SLC26A1: variants seen among roughly 807,000 people sequenced by gnomAD.
SLC26A1 encodes the protein solute carrier family 26 member 1, also known as sulfate anion transporter 1.
A neutral mutation model predicts 14.5 loss-of-function variants in SLC26A1; 18 were observed. The observed-to-expected ratio is 1.24, with a 90% CI of 0.86 to 1.84. The LOEUF (loss-of-function observed/expected upper bound fraction) is 1.84, where lower values mean the gene tolerates loss of function less well. Ranked by LOEUF, SLC26A1 falls within the 40% of genes most tolerant of loss-of-function variation. SLC26A1 has a pLI of 0.00. For synonymous variants in SLC26A1, 505 were observed against 492.0 expected (o/e 1.03, Z -0.35); for missense variants, 1,049 against 1,020.0 (o/e 1.03, Z -0.39).
chr4:981,924 A>G (rs1713555692), intron 2 of SLC26A1, among the ~76,000 whole-genome samples: 1 of 151,822 alleles, frequency 6.6e-6, no homozygotes. Context: ...GGTTCACGCC[A>G]TTCTCCTGCC....
downstream of SLC26A1, chr4:987,507 C>T (rs923396425): frequency 4.8e-6 from 4 of 830,118 alleles, no homozygotes; most frequent in Middle Eastern, 3.7e-4. Context: ...TGGGAGTGGA[C>T]GGCCCTGCAG....
chr4:990,615 C>G (rs1714213393), intron 2 of SLC26A1: 1 of 538,652 alleles, frequency 1.9e-6, no homozygotes, highest in South Asian at 2.5e-5. Context: ...ACACGTCTAA[C>G]CCTTGTCACG....
chr4:991,152 G>A lies in SLC26A1; in HGVS notation c.552C>T (p.Leu184=). 6.4e-7 allele frequency: 1 copy of A among 1,552,928 alleles called. No homozygotes were observed. The highest frequency in any genetic ancestry group is 8.7e-7 in the Non-Finnish European group (1 of 1,146,308). The change falls in exon 2 of 3, where the codon CTC becomes CTT. Residue 184 remains leucine (L), a synonymous_variant. Transcript: ENST00000398516. ...DCYAIRVATA[L]TLMTGLYQVL... is the part of the protein sequence containing the mutation. The stretch of plus-strand genomic sequence containing the variant: ...CCTGGTAAAGCCCGGTCATCAGCGT[G>A]AGGGCGGTGGCGACACGGATGGCGT...
rs761932252 is a variant in SLC26A1 at position 988,963 on chromosome 4, C to G, written c.1976G>C (p.Arg659Thr). 11 of 1,596,622 alleles carry G rather than the reference C, an allele frequency of 6.9e-6. No homozygotes were observed. Among genetic ancestry groups the G allele is most frequent in the Non-Finnish European group, 9.4e-6 (11 of 1,172,378 alleles). The stretch of plus-strand genomic sequence containing the variant: ...GGGGCCCTCCCCGAGGAAGCCTCCT[C>G]TGCTCAGAATGTCTCTCACAGGCGG... The part of the protein sequence containing the change: ...CSPPVRDILS[R>T]GGFLGEGPGD... Residue 659 changes from arginine (R) to threonine (T), a missense_variant, in exon 3 of 3, where the codon AGA becomes ACA. Arg to Thr is a moderately conservative substitution (Grantham distance 71, BLOSUM62 -1). Coordinates refer to ENST00000398516, the MANE Select transcript of SLC26A1 (RefSeq NM_022042.4).
At chr4:987,080 T>A, downstream of SLC26A1, 13 of 1,491,808 alleles carry the variant, frequency 8.7e-6, no homozygotes, top group Non-Finnish European at 1.2e-5. Flanking sequence ...CGAGCACGCG[T>A]GGCCATGCGT....
chr4:988,487 A>G lies in SLC26A1; in HGVS notation c.*346T>C. On this transcript the variant is annotated 3_prime_UTR_variant, in exon 3 of 3. Transcript: ENST00000398516. ...ATAGGGAGTCCTCTTGGCACCTTGG[A>G]GGCTGCATGATGGCGGGGGACCCTT... 8.9e-7 allele frequency: 1 copy of G among 1,124,332 alleles called. No individual in the cohort carries two copies. Among genetic ancestry groups the G allele is most frequent in the East Asian group, 5.5e-5 (1 of 18,036 alleles). 69.6% of individuals were successfully genotyped at this position (1,124,332 alleles called of 1,614,324 possible). A position where few individuals can be genotyped will look rare whatever the true frequency, so the allele number is the denominator to read the frequency against.
At position 989,233 on chromosome 4, in the gene SLC26A1, A is replaced by G. The variant is rs1470524095; in HGVS notation, c.1706T>C (p.Met569Thr). The G allele has an allele frequency of 2.5e-6, 4 of 1,612,100 alleles. No individual in the cohort carries two copies. The African/African-American group carries it at 4.0e-5, about 16-fold the overall frequency. ...YSLTGLDAGC[M>T]AARRKEGGSE... is the part of the protein sequence containing the mutation. ...GCCCCCCTCCTTCCTCCTGGCAGCC[A>G]TGCACCCTGCGTCCAGCCCCGTGAG... The change falls in exon 3 of 3, where the codon ATG becomes ACG. Residue 569 changes from methionine (M) to threonine (T), a missense_variant. Physicochemically the swap from Met to Thr is moderately conservative, Grantham distance 81 (BLOSUM62 -1). Transcript: ENST00000398516.
At chr4:982,405 C>T (rs1275481341) in intron 2 of SLC26A1, among the ~76,000 whole-genome samples, 1 of 152,230 alleles carries the variant, frequency 6.6e-6, no homozygotes, top group Non-Finnish European at 1.5e-5. Flanking sequence ...TCCCGTAAAC[C>T]CCTGGGCTGC....
Position 987,755 on chromosome 4 carries a change from G to A in SLC26A1, c.*1078C>T, listed in dbSNP as rs1378108246. The A allele has an allele frequency of 8.7e-6, 14 of 1,608,266 alleles. No homozygotes were observed. The highest frequency in any genetic ancestry group is 4.5e-5 in the East Asian group (2 of 44,728). On this transcript the variant is annotated 3_prime_UTR_variant, in exon 3 of 3. Transcript: ENST00000398516. ...CTGGGCTTGAACGTGTGTGTCAGCC[G>A]CGCTGCCAGCCATGCTGAGGCTCGG...
chr4:981,300 G>A (rs148027146), intron 2 of SLC26A1, among the ~76,000 whole-genome samples: 5 of 152,154 alleles, frequency 3.3e-5, no homozygotes, highest in African/African-American at 9.7e-5. Context: ...CATATTCCTC[G>A]TTTCCAAATT....
rs373153186 is a variant in SLC26A1, at chr4:989,049, C to T, written c.1890G>A (p.Leu630=). 26 of 1,583,322 alleles carry T rather than the reference C, an allele frequency of 1.6e-5. No homozygotes were observed. In the African/African-American group the frequency reaches 1.9e-4, roughly 12 times the overall value. The change falls in exon 3 of 3, where the codon CTG becomes CTA. Residue 630 remains leucine (L), a synonymous_variant. Coordinates refer to ENST00000398516, the MANE Select transcript of SLC26A1 (RefSeq NM_022042.4). The part of the protein sequence containing the change: ...LFLDAAGVST[L]QDLRRDYGAL... ...CCCCGTAGTCTCGGCGCAGGTCCTG[C>T]AGCGTGCTCACACCGGCTGCGTCTA...
chr4:990,554 G>C, intron 2 of SLC26A1, 192 bp from the exon 3 acceptor site: 2 of 604,580 alleles, frequency 3.3e-6, no homozygotes, highest in South Asian at 4.0e-5. Context: ...CATGCCCGCA[G>C]ACAACTGTGA....
At position 989,063 on chromosome 4, in the gene SLC26A1, C is replaced by A; in HGVS notation, c.1876G>T (p.Gly626Cys). Residue 626 changes from glycine to cysteine, a missense_variant, in exon 3 of 3, where the codon GGT (glycine) becomes TGT (cysteine). Gly to Cys is a radical substitution (Grantham distance 159, BLOSUM62 -3). Coordinates refer to ENST00000398516, the MANE Select transcript of SLC26A1 (RefSeq NM_022042.4). ...CGCAGGTCCTGCAGCGTGCTCACACCGGCTGCGTCTAGGAACAGCAGCGGG... is the reference window on the plus strand; with the variant it reads ...CGCAGGTCCTGCAGCGTGCTCACACAGGCTGCGTCTAGGAACAGCAGCGGG... ...CAPLLFLDAA[G>C]VSTLQDLRRD... 1 of 1,587,774 alleles carries A rather than the reference C, an allele frequency of 6.3e-7. No homozygotes were observed.
intron 2 of SLC26A1, among the ~76,000 whole-genome samples, chr4:981,018 C>G (rs548623200): frequency 1.3e-5 from 2 of 152,324 alleles, no homozygotes; most frequent in Admixed American, 6.5e-5. Flanking sequence ...TGAGACCCAG[C>G]AGGGTCTCAA....
chr4:989,493 C>T lies in SLC26A1; in HGVS notation c.1446G>A (p.Met482Ile). The change falls in exon 3 of 3, where the codon ATG (methionine) becomes ATA (isoleucine). Residue 482 changes from methionine to isoleucine, a missense_variant. Met to Ile is a conservative substitution (Grantham distance 10). Transcript: ENST00000398516. The part of the protein sequence containing the change: ...LVWAGTAATC[M>I]LVSTEAGLLA... ...GCAGCCCGGCCTCTGTGCTGACCAGCATACAGGTGGCCGCGGTGCCTGCCC... is the reference window on the plus strand; with the variant it reads ...GCAGCCCGGCCTCTGTGCTGACCAGTATACAGGTGGCCGCGGTGCCTGCCC... 1 of 1,554,258 alleles carries T rather than the reference C, an allele frequency of 6.4e-7. No individual in the cohort carries two copies. The highest frequency in any genetic ancestry group is 2.4e-5 in the East Asian group (1 of 41,514).
downstream of SLC26A1, chr4:987,194 C>T (rs1379438809): frequency 2.0e-6 from 3 of 1,477,512 alleles, no homozygotes; most frequent in Non-Finnish European, 2.7e-6. Flanking sequence ...GTGGACGCGG[C>T]CCGCGCGCTG....
At chr4:983,981 C>T (rs561087260), downstream of SLC26A1, among the ~76,000 whole-genome samples, 154 of 152,266 alleles carry the variant, frequency 1.0e-3, no homozygotes, top group African/African-American at 3.3e-3. Flanking sequence ...CATGCCACCA[C>T]GCCCGGCTAA....
In SLC26A1 at chr4:991,705, C is replaced by T; in HGVS notation, c.-2G>A. ...CAGAGGCTCAGGGGACTCGTCCATCCTGTTGCGTCAGGTCCCGTGGCCGAC... is the reference window on the plus strand; with the variant it reads ...CAGAGGCTCAGGGGACTCGTCCATCTTGTTGCGTCAGGTCCCGTGGCCGAC... On this transcript the variant is annotated 5_prime_UTR_variant, in exon 2 of 3. Coordinates refer to ENST00000398516, the MANE Select transcript of SLC26A1 (RefSeq NM_022042.4). The T allele has an allele frequency of 6.5e-7, 1 of 1,536,680 alleles. No individual in the cohort carries two copies. Among genetic ancestry groups the T allele is most frequent in the Non-Finnish European group, 8.7e-7 (1 of 1,147,840 alleles).
downstream of SLC26A1, chr4:987,365 G>T (rs1481229780): frequency 5.9e-6 from 6 of 1,008,716 alleles, no homozygotes; most frequent in Non-Finnish European, 4.2e-6. Context: ...GGCTCTCCCG[G>T]GCCCGCCCCC....
Sources: gnomAD v4.1 joint callset for allele counts (sites outside exome capture counted in the v4.1 genomes callset) on GRCh38, gnomAD v4.1.1 for gene constraint, MANE v1.5 for transcripts, NCBI Gene and HGNC (gene_info 2026-07-23, HGNC 2026-07-21) for gene names.